The following SWT1 variants were observed in gnomAD, a reference collection of about 807,000 sequenced individuals.
SWT1 encodes SWT1 RNA endoribonuclease homolog.
SWT1 carries 33 observed loss-of-function variants against 107.3 expected under a neutral mutation model. The observed-to-expected ratio is 0.31, with a 90% CI of 0.23 to 0.41. SWT1 has a LOEUF of 0.41. Ranked by LOEUF, SWT1 falls within the 10% of genes least tolerant of loss-of-function variation. SWT1 has a pLI of 1.00. For missense variants in SWT1, 898 were observed against 1,028.9 expected (o/e 0.87, Z 1.74); for synonymous variants, 345 against 348.3 (o/e 0.99, Z 0.11).
chr1:185,190,497 T>C, intron 9 of SWT1, 52 bp from the exon 10 acceptor site: 2 of 1,001,730 alleles, frequency 2.0e-6, no homozygotes, highest in Non-Finnish European at 3.2e-6. Flanking sequence ...TATTTCTGTG[T>C]CACCCACATT....
At chr1:185,165,484 A>G (rs1654492231) in intron 2 of SWT1, among the ~76,000 whole-genome samples, 2 of 152,342 alleles carry the variant, frequency 1.3e-5, no homozygotes, top group South Asian at 4.1e-4. Context: ...TGCTATGTCC[A>G]TGATCCAAGC....
At chr1:185,240,882 C>T (rs143020099) in intron 16 of SWT1, among the ~76,000 whole-genome samples, 4 of 152,074 alleles carry the variant, frequency 2.6e-5, no homozygotes, top group African/African-American at 4.8e-5. Flanking sequence ...CCCATTTTAA[C>T]GTAAGAACAG....
chr1:185,178,336 C>G (rs1161415297), intron 5 of SWT1, among the ~76,000 whole-genome samples: 1 of 151,764 alleles, frequency 6.6e-6, no homozygotes, highest in Non-Finnish European at 1.5e-5. Flanking sequence ...AAGCCAGGGT[C>G]TCTAGACAAT....
chr1:185,174,385 A>G lies in SWT1; in HGVS notation c.238A>G (p.Ile80Val), dbSNP rs1333519816. ...GCTGTTTTACAGATTGAGTGTAGAAATTGACACTCTCAGAAGGAGACCAAA... is the reference window on the plus strand; with the variant it reads ...GCTGTTTTACAGATTGAGTGTAGAAGTTGACACTCTCAGAAGGAGACCAAA... ...RQGLKRLSVE[I>V]DTLRRRPKIG... The change falls in exon 5 of 19, where the codon ATT (isoleucine) becomes GTT (valine). Residue 80 changes from isoleucine (I) to valine (V), a missense_variant. By Grantham distance (29) the Ile-to-Val change is conservative (BLOSUM62 3). Coordinates refer to ENST00000367500, the MANE Select transcript of SWT1 (RefSeq NM_017673.7). 3 of 1,550,690 alleles carry G rather than the reference A, an allele frequency of 1.9e-6. No individual in the cohort carries two copies. Among genetic ancestry groups the G allele is most frequent in the Admixed American group, 2.2e-5 (1 of 45,660 alleles).
chr1:185,270,369 A>C (rs1036467860), intron 16 of SWT1, among the ~76,000 whole-genome samples: 2 of 151,526 alleles, frequency 1.3e-5, no homozygotes, highest in East Asian at 3.9e-4. Context: ...AATGAGAATT[A>C]ATACTTTACT....
chr1:185,170,135 A>G (rs1296948658), intron 4 of SWT1, among the ~76,000 whole-genome samples: 1 of 152,240 alleles, frequency 6.6e-6, no homozygotes, highest in Non-Finnish European at 1.5e-5. Flanking sequence ...TTCAATTTTC[A>G]GCTTTGCAAC....
intron 16 of SWT1, among the ~76,000 whole-genome samples, chr1:185,236,467 G>A (rs2102591020): frequency 6.6e-6 from 1 of 152,276 alleles, no homozygotes; most frequent in African/African-American, 2.4e-5. Context: ...AAGCAATGGG[G>A]AAAGGATTCC....
chr1:185,159,234 G>A (rs916079968), intron 1 of SWT1, among the ~76,000 whole-genome samples: 1 of 152,202 alleles, frequency 6.6e-6, no homozygotes, highest in Admixed American at 6.5e-5. Context: ...TGATTACCAA[G>A]CATCAGGAAT....
intron 10 of SWT1, among the ~76,000 whole-genome samples, chr1:185,190,968 A>G (rs1046526254): frequency 1.3e-5 from 2 of 152,214 alleles, no homozygotes; most frequent in Admixed American, 6.5e-5. Flanking sequence ...ATTTACTTAC[A>G]TATTGGTGAG....
At chr1:185,186,341 T>C (rs1656462222) in intron 9 of SWT1, among the ~76,000 whole-genome samples, 1 of 152,194 alleles carries the variant, frequency 6.6e-6, no homozygotes, top group South Asian at 2.1e-4. Context: ...AGACTATGAA[T>C]TGGTAACTTT....
intron 16 of SWT1, among the ~76,000 whole-genome samples, chr1:185,260,096 GTTAT>G (rs530631983): frequency 5.3e-5 from 8 of 152,122 alleles, no homozygotes; most frequent in Non-Finnish European, 1.2e-4. Flanking sequence ...GAAAACAATG[GTTAT>G]TTATTTTAGA....
At chr1:185,254,772 T>C (rs1238376556) in intron 16 of SWT1, among the ~76,000 whole-genome samples, 11 of 150,496 alleles carry the variant, frequency 7.3e-5, no homozygotes, top group African/African-American at 2.4e-4. Flanking sequence ...TTTGTGTCTC[T>C]ATTTCCTTCA....
intron 16 of SWT1, chr1:185,251,368 T>C (rs1662005147): frequency 6.5e-6 from 1 of 152,828 alleles, no homozygotes; most frequent in African/African-American, 2.4e-5. Context: ...AGTTACAGAT[T>C]CTTTTGTTCC....
rs975807282 is a variant in SWT1 at position 185,291,654 on chromosome 1, AT to A, written c.*857del. On this transcript the variant is annotated 3_prime_UTR_variant, in exon 19 of 19. Transcript: ENST00000367500. ...ATTTGGTATTCTATTATAAATGTTTATTTTTTAAAGCAATAAATAACTTATT... is the reference window on the plus strand; with the variant it reads ...ATTTGGTATTCTATTATAAATGTTTATTTTTAAAGCAATAAATAACTTATT... 6.6e-6 allele frequency: 1 copy of A among 152,588 alleles called. No individual in the cohort carries two copies. Among genetic ancestry groups the A allele is most frequent in the Non-Finnish European group, 1.5e-5 (1 of 68,022 alleles). The allele number at this position is 152,588 out of a possible 1,614,324, so 9.5% of individuals were successfully genotyped here. A position where few individuals can be genotyped will look rare whatever the true frequency, so the allele number is the denominator to read the frequency against.
rs775050357 is a variant in SWT1 at position 185,202,626 on chromosome 1, C to T, written c.1524-28C>T. 16 of 1,588,836 alleles carry T rather than the reference C, an allele frequency of 1.0e-5. No homozygotes were observed. In the African/African-American group the frequency reaches 2.0e-4, roughly 20 times the overall value. Reference sequence around the variant, plus strand: ...GTTTACCTTATAAAAAATATTTTTTCCTCCTAATCCCAACCTCCCAACCTT... The same window carrying T: ...GTTTACCTTATAAAAAATATTTTTTTCTCCTAATCCCAACCTCCCAACCTT... On this transcript the variant is annotated intron_variant, in intron 10 of 18. Coordinates refer to ENST00000367500, the MANE Select transcript of SWT1 (RefSeq NM_017673.7).
chr1:185,178,805 C>T (rs930945959), intron 5 of SWT1, among the ~76,000 whole-genome samples: 2 of 152,136 alleles, frequency 1.3e-5, no homozygotes, highest in Admixed American at 1.3e-4. Flanking sequence ...TTATGACTCT[C>T]AGGGTCATGG....
intron 13 of SWT1, among the ~76,000 whole-genome samples, chr1:185,213,913 GA>G (rs1269811455): frequency 6.6e-6 from 1 of 151,944 alleles, no homozygotes; most frequent in East Asian, 1.9e-4. Flanking sequence ...TAATTTACAG[GA>G]AAAAAATTCT....
At chr1:185,206,117 C>A (rs913036795) in intron 12 of SWT1, among the ~76,000 whole-genome samples, 7 of 152,054 alleles carry the variant, frequency 4.6e-5, no homozygotes, top group Non-Finnish European at 1.0e-4. Context: ...TGCCACCAGG[C>A]CCAGCTAATT....
chr1:185,191,086 G>A (rs1330821569), intron 10 of SWT1, among the ~76,000 whole-genome samples: 1 of 152,094 alleles, frequency 6.6e-6, no homozygotes, highest in Non-Finnish European at 1.5e-5. Flanking sequence ...TGTGACCCTG[G>A]ACAAGTTGCT....
Sources: allele counts gnomAD v4.1 joint callset (sites outside exome capture counted in the v4.1 genomes callset), GRCh38; gene constraint gnomAD v4.1.1; transcripts MANE v1.5; gene names NCBI Gene and HGNC (gene_info 2026-07-23, HGNC 2026-07-21).